Variants in CASTOR2 observed in about 807,000 individuals in gnomAD.
CASTOR2 encodes GATS protein like 2.
In CASTOR2, 8 loss-of-function variants were observed where a neutral mutation model predicts 31.2. That is an observed-to-expected ratio of 0.26 (90% CI 0.15 to 0.46). The LOEUF (loss-of-function observed/expected upper bound fraction) is 0.46. Among genes scored for constraint, CASTOR2 ranks in the 20% least tolerant of loss-of-function variants. The probability of loss-of-function intolerance (pLI) is 0.99; values close to 1 mark genes in which losing one functional copy is unlikely to be tolerated. For synonymous variants in CASTOR2, 162 were observed against 158.7 expected (o/e 1.02, Z -0.16); for missense variants, 216 against 382.1 (o/e 0.57, Z 3.62).
rs1805240192 is a variant in CASTOR2, at chr7:75,029,510, A to C, written c.*4811A>C. Among the ~76,000 whole-genome samples the C allele has an allele frequency of 6.6e-6, 1 of 151,746 alleles. No individual in the cohort carries two copies. Among genetic ancestry groups the C allele is most frequent in the South Asian group, 2.1e-4 (1 of 4,792 alleles). On this transcript the variant is annotated 3_prime_UTR_variant, in exon 9 of 9. Coordinates refer to ENST00000616305, the MANE Select transcript of CASTOR2 (RefSeq NM_001145064.3). ...AGGCACCCACCACCACGCTCGGCTA[A>C]TTTTTGTATTTTTAGTAGAGACAGG...
chr7:75,021,561 T>C (rs1805005674), intron 6 of CASTOR2, among the ~76,000 whole-genome samples: 1 of 152,132 alleles, frequency 6.6e-6, no homozygotes, highest in Admixed American at 6.5e-5. Context: ...GCAGCCCCGG[T>C]GCTATTTCTC....
intron 1 of CASTOR2, among the ~76,000 whole-genome samples, chr7:74,993,389 G>T (rs1804257929): frequency 6.6e-6 from 1 of 151,512 alleles, no homozygotes; most frequent in Non-Finnish European, 1.5e-5. Context: ...CTTGATTCTG[G>T]GCTTCTCCGT....
intron 2 of CASTOR2, among the ~76,000 whole-genome samples, chr7:75,009,682 G>A (rs1188870980): frequency 1.3e-5 from 2 of 151,810 alleles, no homozygotes; most frequent in Non-Finnish European, 2.9e-5. Flanking sequence ...AACCCCATGT[G>A]TGTACAGCCA....
intron 7 of CASTOR2, among the ~76,000 whole-genome samples, chr7:75,023,465 T>C (rs1805054807): frequency 4.1e-5 from 1 of 24,476 alleles, no homozygotes; most frequent in Non-Finnish European, 9.2e-5. Context: ...TTTTTTTTTC[T>C]TTTTGTTTTT....
chr7:75,030,883 C>T lies in CASTOR2; in HGVS notation c.*6184C>T, dbSNP rs933357326. Among the ~76,000 whole-genome samples the T allele has an allele frequency of 2.6e-5, 4 of 152,122 alleles. No homozygotes were observed. Among genetic ancestry groups the T allele is most frequent in the Non-Finnish European group, 5.9e-5 (4 of 68,016 alleles). On this transcript the variant is annotated 3_prime_UTR_variant, in exon 9 of 9. Transcript: ENST00000616305. ...TGTTCACAGGGAGAGTTTGTGGGGG[C>T]CGGCACTCCCTCATCTACTGGGGCT...
chr7:74,991,711 A>G (rs1374814290), intron 1 of CASTOR2, among the ~76,000 whole-genome samples: 1 of 151,982 alleles, frequency 6.6e-6, no homozygotes, highest in African/African-American at 2.4e-5. Context: ...GAAGGTGTCA[A>G]CCCTAAGACC....
chr7:74,999,601 C>CTTTTTTTT lies in CASTOR2; in HGVS notation c.114-8365_114-8358dup, dbSNP rs1158456043. On this transcript the variant is annotated intron_variant, in intron 1 of 8. Transcript: ENST00000616305. ...CCCGAAACACTTCTATCACTCACTG[C>CTTTTTTTT]TTTTTTTTTTTTTTTTTTTTTTTTT... Among the ~76,000 whole-genome samples the CTTTTTTTT allele has an allele frequency of 2.4e-3, 108 of 45,782 alleles. 28 individuals carry two copies. The highest frequency in any genetic ancestry group is 6.7e-3 in the East Asian group (6 of 894). The allele number at this position is 45,782 out of a possible 152,430, so 30.0% of individuals were successfully genotyped here.
At chr7:75,021,338 G>T (rs935863024) in intron 6 of CASTOR2, among the ~76,000 whole-genome samples, 2 of 152,134 alleles carry the variant, frequency 1.3e-5, no homozygotes. Context: ...TGCTGACCAG[G>T]CTGGTCTCCA....
chr7:75,008,857 G>A (rs1323636624), intron 2 of CASTOR2, among the ~76,000 whole-genome samples: 1 of 152,156 alleles, frequency 6.6e-6, no homozygotes, highest in Non-Finnish European at 1.5e-5. Flanking sequence ...GGCTGAGGTG[G>A]GAGGATTGCT....
intron 1 of CASTOR2, among the ~76,000 whole-genome samples, chr7:74,996,980 C>T (rs2131936636): frequency 6.6e-6 from 1 of 150,758 alleles, no homozygotes; most frequent in African/African-American, 2.4e-5. Context: ...GGTGAACCAC[C>T]CCCCTCGGCC....
Position 75,009,262 on chromosome 7 carries a change from C to CTTTTTTTT in CASTOR2, c.184+1216_184+1223dup, listed in dbSNP as rs1161937896. 4.3e-4 allele frequency among the ~76,000 whole-genome samples: 26 copies of CTTTTTTTT among 60,304 alleles called. 1 individual carries two copies. Among genetic ancestry groups the CTTTTTTTT allele is most frequent in the Non-Finnish European group, 5.2e-4 (19 of 36,388 alleles). The allele number at this position is 60,304 out of a possible 152,430, so 39.6% of individuals were successfully genotyped here. On this transcript the variant is annotated intron_variant, in intron 2 of 8. Coordinates refer to ENST00000616305, the MANE Select transcript of CASTOR2 (RefSeq NM_001145064.3). ...TGAGCCACCTTGCCTGGCCTGAGAA[C>CTTTTTTTT]TTTTTTTTTTTTTTTTTTTTTTTTT...
chr7:75,012,447 C>A (rs1442400556), intron 2 of CASTOR2, among the ~76,000 whole-genome samples: 6 of 151,384 alleles, frequency 4.0e-5, no homozygotes, highest in Non-Finnish European at 2.9e-5. Flanking sequence ...GGATTACAGG[C>A]ATGCACCACC....
chr7:75,021,691 ACGAGGAGG>A (rs1271500962), intron 6 of CASTOR2, among the ~76,000 whole-genome samples, 175 bp from the exon 7 acceptor site: 1 of 152,012 alleles, frequency 6.6e-6, no homozygotes, highest in African/African-American at 2.4e-5. Flanking sequence ...TCCCCTCAAG[ACGAGGAGG>A]CCGCCGGGCG....
At chr7:74,972,318 A>C (rs1454460027) in intron 1 of CASTOR2, among the ~76,000 whole-genome samples, 2 of 147,106 alleles carry the variant, frequency 1.4e-5, no homozygotes. Context: ...TGGGGTTTCA[A>C]CATGTTGGCC....
At chr7:75,002,165 A>G (rs1296085743) in intron 1 of CASTOR2, among the ~76,000 whole-genome samples, 1 of 151,106 alleles carries the variant, frequency 6.6e-6, no homozygotes. Flanking sequence ...ACCTCAAGAG[A>G]TCCATTCACC....
At chr7:75,007,496 A>G (rs1364416972) in intron 1 of CASTOR2, among the ~76,000 whole-genome samples, 1 of 152,030 alleles carries the variant, frequency 6.6e-6, no homozygotes, top group Admixed American at 6.6e-5. Context: ...AAATAAACCG[A>G]GGGCTGGGCT....
intron 1 of CASTOR2, among the ~76,000 whole-genome samples, chr7:75,006,437 AG>A (rs1252126338): frequency 6.6e-6 from 1 of 152,172 alleles, no homozygotes; most frequent in Non-Finnish European, 1.5e-5. Context: ...TCTATAGATG[AG>A]GGGGCTGCAG....
intron 1 of CASTOR2, among the ~76,000 whole-genome samples, chr7:75,004,471 C>G (rs1340140926): frequency 1.3e-5 from 2 of 150,800 alleles, no homozygotes; most frequent in Non-Finnish European, 3.0e-5. Flanking sequence ...TTTTTTCCCC[C>G]CGAGATGGAG....
At position 75,018,023 on chromosome 7, in the gene CASTOR2, A is replaced by G; in HGVS notation, c.412A>G (p.Thr138Ala). Residue 138 changes from threonine (T) to alanine (A), a missense_variant, in exon 4 of 9, where the codon ACA becomes GCA. Physicochemically the swap from Thr to Ala is moderately conservative, Grantham distance 58. Transcript: ENST00000616305. ...GCGGGACCTGCCCTTTGTCACCCAC[A>G]CATTGTCATCAGAGTTCACCATCCT... is the stretch of plus-strand genomic sequence containing the variant. ...RERDLPFVTH[T>A]LSSEFTILRV... 1 of 1,614,158 alleles carries G rather than the reference A, an allele frequency of 6.2e-7. No homozygotes were observed. The highest frequency in any genetic ancestry group is 8.5e-7 in the Non-Finnish European group (1 of 1,180,018).
Sources: allele counts gnomAD v4.1 joint callset (sites outside exome capture counted in the v4.1 genomes callset), GRCh38; gene constraint gnomAD v4.1.1; transcripts MANE v1.5; gene names NCBI Gene and HGNC (gene_info 2026-07-23, HGNC 2026-07-21).